The following LTBP1 variants were observed in gnomAD, a reference collection of about 807,000 sequenced individuals.
LTBP1 encodes latent transforming growth factor beta binding protein 1, also known as latent-transforming growth factor beta-binding protein 1.
Under a neutral mutation model 207.6 loss-of-function variants are expected in LTBP1, and 129 were observed. The ratio of observed to expected loss-of-function variants is 0.62; its 90% CI spans 0.54 to 0.72. LTBP1 has a LOEUF of 0.72. LTBP1 is among the 30% of genes least tolerant of loss of function. LTBP1 has a pLI of 0.00. For missense variants in LTBP1, 2,281 were observed against 2,217.2 expected (o/e 1.03, Z -0.58); for synonymous variants, 963 against 833.7 (o/e 1.16, Z -2.67).
chr2:33,263,434 C>T lies in LTBP1; in HGVS notation c.2617+42C>T, dbSNP rs780036307. 2.5e-5 allele frequency: 35 copies of T among 1,420,150 alleles called. 1 individual carries two copies. The highest frequency in any genetic ancestry group is 5.8e-5 in the South Asian group (5 of 86,360). The allele number at this position is 1,420,150 out of a possible 1,614,324, so 88.0% of individuals were successfully genotyped here. A position where few individuals can be genotyped will look rare whatever the true frequency, so the allele number is the denominator to read the frequency against. On this transcript the variant is annotated intron_variant, in intron 15 of 33. Coordinates refer to ENST00000404816, the MANE Select transcript of LTBP1 (RefSeq NM_206943.4). ...TACATTATATATCACATGGAGGAGA[C>T]GTGGGGCTGAGCTTCATTTTAAATG...
chr2:33,377,157 A>T (rs1340773905), intron 31 of LTBP1, among the ~76,000 whole-genome samples: 1 of 152,184 alleles, frequency 6.6e-6, no homozygotes, highest in African/African-American at 2.4e-5. Flanking sequence ...TTTCTTGCTA[A>T]ACTGCTGAAG....
chr2:33,348,616 T>C (rs2094736673), intron 26 of LTBP1, among the ~76,000 whole-genome samples: 1 of 152,226 alleles, frequency 6.6e-6, no homozygotes. Context: ...CTTTTTCTTA[T>C]TTTTGTTTGG....
intron 31 of LTBP1, among the ~76,000 whole-genome samples, chr2:33,374,765 A>G (rs545443385): frequency 1.5e-4 from 23 of 152,288 alleles, no homozygotes; most frequent in African/African-American, 5.3e-4. Flanking sequence ...CAGCCTGGCC[A>G]ATATGGTGAA....
chr2:33,243,427 T>C (rs963711383), intron 9 of LTBP1, among the ~76,000 whole-genome samples: 1 of 152,220 alleles, frequency 6.6e-6, no homozygotes, highest in African/African-American at 2.4e-5. Context: ...TCAGTTTTTT[T>C]CACTAGTAAA....
intron 5 of LTBP1, among the ~76,000 whole-genome samples, chr2:33,138,951 C>CG (rs1407549112): frequency 6.9e-6 from 1 of 144,960 alleles, no homozygotes; most frequent in Non-Finnish European, 1.5e-5. Flanking sequence ...CTCCGCCTCC[C>CG]GGGTTCACGC....
intron 3 of LTBP1, among the ~76,000 whole-genome samples, chr2:33,081,673 G>T (rs1172225079): frequency 2.6e-5 from 4 of 152,128 alleles, no homozygotes; most frequent in African/African-American, 9.7e-5. Context: ...CAAACTCATG[G>T]TGCTGATATT....
At chr2:33,108,804 A>G (rs17397408) in intron 3 of LTBP1, among the ~76,000 whole-genome samples, 6,485 of 152,220 alleles carry the variant, frequency 0.043, 184 homozygotes, top group Non-Finnish European at 0.065. Context: ...CTGATAGAAG[A>G]GACTTGTGGT....
At chr2:33,078,487 G>T (rs575109499) in intron 3 of LTBP1, among the ~76,000 whole-genome samples, 23 of 152,292 alleles carry the variant, frequency 1.5e-4, no homozygotes, top group African/African-American at 4.1e-4. Flanking sequence ...AGCTTATCTT[G>T]ATTACCTGTG....
At chr2:33,098,264 T>C (rs2079508168) in intron 3 of LTBP1, among the ~76,000 whole-genome samples, 1 of 152,240 alleles carries the variant, frequency 6.6e-6, no homozygotes, top group African/African-American at 2.4e-5. Flanking sequence ...CTTATTCATG[T>C]CCTTTGTCCA....
At chr2:33,255,290 T>G in intron 11 of LTBP1, among the ~76,000 whole-genome samples, 1 of 152,058 alleles carries the variant, frequency 6.6e-6, no homozygotes. Context: ...GTATTCCATC[T>G]CACACCAGTT....
intron 2 of LTBP1, among the ~76,000 whole-genome samples, chr2:33,005,901 A>G (rs1219788625): frequency 6.6e-6 from 1 of 151,788 alleles, no homozygotes; most frequent in Non-Finnish European, 1.5e-5. Flanking sequence ...CTGCCTTTTG[A>G]TGGGAGTAGC....
intron 2 of LTBP1, among the ~76,000 whole-genome samples, chr2:32,987,769 A>G (rs971242313): frequency 5.9e-5 from 9 of 152,048 alleles, no homozygotes; most frequent in Non-Finnish European, 1.3e-4. Flanking sequence ...TGCATTACAT[A>G]CTCCTCCAGA....
chr2:33,061,555 A>T (rs894786024), intron 3 of LTBP1: 11 of 152,302 alleles, frequency 7.2e-5, no homozygotes, highest in Admixed American at 7.2e-4. Flanking sequence ...ATGTGAGATT[A>T]TACAATGTGT....
intron 3 of LTBP1, among the ~76,000 whole-genome samples, chr2:33,060,896 T>C (rs182609918): frequency 6.6e-6 from 1 of 150,912 alleles, no homozygotes; most frequent in Non-Finnish European, 1.5e-5. Flanking sequence ...ATTATATTAC[T>C]TTTTTTTTCT....
intron 3 of LTBP1, among the ~76,000 whole-genome samples, chr2:33,067,870 A>C (rs1028092636): frequency 6.6e-6 from 1 of 152,186 alleles, no homozygotes; most frequent in African/African-American, 2.4e-5. Context: ...AAATTTCTAT[A>C]ATTCAAAATC....
chr2:33,206,571 T>A (rs2089898456), intron 7 of LTBP1, among the ~76,000 whole-genome samples: 1 of 151,854 alleles, frequency 6.6e-6, no homozygotes, highest in South Asian at 2.1e-4. Context: ...AAGCCCCATC[T>A]CTACTAAAAA....
chr2:32,988,588 A>G (rs551560157), intron 2 of LTBP1, among the ~76,000 whole-genome samples: 1 of 152,382 alleles, frequency 6.6e-6, no homozygotes, highest in South Asian at 2.1e-4. Flanking sequence ...TAGAAGAACA[A>G]TAATCTATTC....
At chr2:33,372,647 G>A (rs2095083639) in intron 31 of LTBP1, among the ~76,000 whole-genome samples, 1 of 152,206 alleles carries the variant, frequency 6.6e-6, no homozygotes, top group African/African-American at 2.4e-5. Context: ...GCAGAGGTGG[G>A]CAGATCACTT....
At chr2:33,300,635 T>C in intron 21 of LTBP1, 62 bp downstream of exon 21, 1 of 1,542,288 alleles carries the variant, frequency 6.5e-7, no homozygotes. Flanking sequence ...CTGAAAAAGG[T>C]ACGCTCAATC....
Sources: gnomAD v4.1 joint callset for allele counts (sites outside exome capture counted in the v4.1 genomes callset) on GRCh38, gnomAD v4.1.1 for gene constraint, MANE v1.5 for transcripts, NCBI Gene and HGNC (gene_info 2026-07-23, HGNC 2026-07-21) for gene names.